Variants in TLDC2 observed in about 807,000 individuals in gnomAD.
TLDC2 encodes TBC/LysM-associated domain containing 2.
In TLDC2, 23 loss-of-function variants were observed where a neutral mutation model predicts 27.9. The ratio of observed to expected loss-of-function variants is 0.82; its 90% CI spans 0.59 to 1.17. The LOEUF is 1.17. Among genes scored for constraint, TLDC2 ranks in the 50% most tolerant of loss-of-function variants. The pLI is 0.00. For synonymous variants in TLDC2, 124 were observed against 107.4 expected, an observed-to-expected ratio of 1.16 and a Z score of -0.96; for missense variants, 286 against 273.4, an observed-to-expected ratio of 1.05 and a Z score of -0.32.
At position 36,892,864 on chromosome 20, in the gene TLDC2, T is replaced by G; in HGVS notation, c.*20T>G. 1 of 1,592,078 alleles carries G rather than the reference T, an allele frequency of 6.3e-7. No homozygotes were observed. Among genetic ancestry groups the G allele is most frequent in the Non-Finnish European group, 8.6e-7 (1 of 1,159,944 alleles). ...CATGAGTTGTCATTAATTTGCAGAA[T>G]TCTATGATTGAAGCCTCTAAATGAA... On this transcript the variant is annotated splice_region_variant and 3_prime_UTR_variant, in exon 7 of 7. Transcript: ENST00000217320.
At chr20:36,887,088 G>C (rs1989936420) in intron 4 of TLDC2, among the ~76,000 whole-genome samples, 1 of 152,104 alleles carries the variant, frequency 6.6e-6, no homozygotes, top group Admixed American at 6.5e-5. Context: ...GCACTGAAGA[G>C]CAGGCGGGCT....
chr20:36,877,561 G>A (rs1280956477), intron 1 of TLDC2, among the ~76,000 whole-genome samples: 1 of 149,620 alleles, frequency 6.7e-6, no homozygotes, highest in Non-Finnish European at 1.5e-5. Flanking sequence ...CTGCTCCCAA[G>A]CTTAGAACTT....
At chr20:36,887,760 A>G (rs1989954909) in intron 5 of TLDC2, among the ~76,000 whole-genome samples, 1 of 152,178 alleles carries the variant, frequency 6.6e-6, no homozygotes, top group South Asian at 2.1e-4. Flanking sequence ...AGCTGGTGAC[A>G]GTTTAGTCTG....
chr20:36,888,890 G>T (rs1989988101), intron 5 of TLDC2, among the ~76,000 whole-genome samples: 1 of 150,096 alleles, frequency 6.7e-6, no homozygotes, highest in South Asian at 2.1e-4. Flanking sequence ...GCATAGTGGT[G>T]GGCGGCCTGT....
chr20:36,886,657 T>A lies in TLDC2; in HGVS notation c.439-798T>A, dbSNP rs1240729410. ...GGTCTTACTATGTTGCCTTGGTTGG[T>A]CTAGAACTCCTGACCTCGAGGAAAC... On this transcript the variant is annotated intron_variant, in intron 4 of 6. Coordinates refer to ENST00000217320, the MANE Select transcript of TLDC2 (RefSeq NM_080628.3). Among the ~76,000 whole-genome samples the A allele has an allele frequency of 3.9e-5, 6 of 152,100 alleles. No homozygotes were observed. In the East Asian group the frequency reaches 1.2e-3, roughly 30 times the overall value.
At chr20:36,879,005 G>A (rs750130687) in intron 2 of TLDC2, 36 bp from the exon 3 acceptor site, 3 of 1,613,956 alleles carry the variant, frequency 1.9e-6, no homozygotes, top group Non-Finnish European at 2.5e-6. Context: ...AGGGCGCGAG[G>A]AGAACTCCTC....
At chr20:36,881,949 G>C (rs917962171) in intron 4 of TLDC2, among the ~76,000 whole-genome samples, 1 of 152,188 alleles carries the variant, frequency 6.6e-6, no homozygotes, top group African/African-American at 2.4e-5. Context: ...GGAAGACAGC[G>C]GCAGAAACCC....
At chr20:36,881,041 G>C (rs1365175469) in intron 4 of TLDC2, among the ~76,000 whole-genome samples, 2 of 152,206 alleles carry the variant, frequency 1.3e-5, no homozygotes. Flanking sequence ...GTAGACCTGA[G>C]GGCGTGGTGG....
intron 1 of TLDC2, 103 bp from the exon 2 acceptor site, chr20:36,877,796 C>A: frequency 7.5e-7 from 1 of 1,340,124 alleles, no homozygotes; most frequent in Non-Finnish European, 1.0e-6. Context: ...GGCACATGGG[C>A]AGGGAGTGAT....
At chr20:36,878,432 T>G (rs2148344024) in intron 2 of TLDC2, among the ~76,000 whole-genome samples, 1 of 152,056 alleles carries the variant, frequency 6.6e-6, no homozygotes, top group East Asian at 1.9e-4. Context: ...AATACAAAAA[T>G]TAGCCGGGTG....
chr20:36,877,735 C>T (rs1275966178), intron 1 of TLDC2, among the ~76,000 whole-genome samples, 164 bp from the exon 2 acceptor site: 2 of 152,196 alleles, frequency 1.3e-5, no homozygotes, highest in African/African-American at 2.4e-5. Flanking sequence ...GGGGCAGCGT[C>T]CTGTCTGTCG....
At chr20:36,884,536 A>T (rs1215651217) in intron 4 of TLDC2, among the ~76,000 whole-genome samples, 2 of 151,914 alleles carry the variant, frequency 1.3e-5, no homozygotes, top group African/African-American at 4.8e-5. Context: ...AGGCAGGAGG[A>T]TCACTTGAGG....
At chr20:36,885,948 T>C (rs538592878) in intron 4 of TLDC2, among the ~76,000 whole-genome samples, 3 of 151,788 alleles carry the variant, frequency 2.0e-5, no homozygotes, top group Non-Finnish European at 2.9e-5. Context: ...GGATGAGAGG[T>C]GGGCCCTCTG....
rs56363193 is a variant in TLDC2, at chr20:36,893,524, C to T, written c.*680C>T. 1 of 263,476 alleles carries T rather than the reference C, an allele frequency of 3.8e-6. No homozygotes were observed. Among genetic ancestry groups the T allele is most frequent in the Non-Finnish European group, 7.1e-6 (1 of 140,656 alleles). 16.3% of individuals were successfully genotyped at this position (263,476 alleles called of 1,614,324 possible). A position where few individuals can be genotyped will look rare whatever the true frequency, so the allele number is the denominator to read the frequency against. ...GCAGAATTTAAATTTTTCTCTGCAT[C>T]AAAGCTCTAACGTTGGTCCCATCAG... On this transcript the variant is annotated 3_prime_UTR_variant, in exon 7 of 7. Transcript: ENST00000217320.
At chr20:36,887,578 CT>C (rs1243540626) in intron 5 of TLDC2, 50 bp downstream of exon 5, 1 of 1,555,598 alleles carries the variant, frequency 6.4e-7, no homozygotes, top group Admixed American at 1.7e-5. Context: ...GTTCTGGTCC[CT>C]TTCCCTCTGC....
chr20:36,892,009 G>C (rs928865377), intron 6 of TLDC2: 1 of 152,394 alleles, frequency 6.6e-6, no homozygotes, highest in African/African-American at 2.4e-5. Flanking sequence ...CTGGGCAGTG[G>C]GAAGGCCCTC....
At position 36,876,208 on chromosome 20, in the gene TLDC2, G is replaced by GT; in HGVS notation, c.33+2dup. The GT allele has an allele frequency of 6.2e-7, 1 of 1,614,178 alleles. No homozygotes were observed. The highest frequency in any genetic ancestry group is 1.1e-5 in the South Asian group (1 of 91,086). ...CCTCCGCTGGCGTTACACTCGGCTG[G>GT]TAAGGGTTCCAACTCCGTCTGTGGT... is the stretch of plus-strand genomic sequence containing the variant. On this transcript the variant is annotated splice_donor_variant, in intron 1 of 6. Transcript: ENST00000217320. LOFTEE classifies it high-confidence loss of function.
chr20:36,878,437 C>T (rs976118543), intron 2 of TLDC2, among the ~76,000 whole-genome samples: 3 of 152,004 alleles, frequency 2.0e-5, no homozygotes, highest in Admixed American at 6.6e-5. Flanking sequence ...AAAAATTAGC[C>T]GGGTGTGGTG....
intron 4 of TLDC2, 87 bp downstream of exon 4, chr20:36,880,837 C>G: frequency 2.5e-6 from 3 of 1,198,064 alleles, no homozygotes; most frequent in Non-Finnish European, 3.7e-6. Flanking sequence ...CTCCATCCTC[C>G]ACGATGGGCT....
Sources: gnomAD v4.1 joint callset for allele counts (sites outside exome capture counted in the v4.1 genomes callset) on GRCh38, gnomAD v4.1.1 for gene constraint, MANE v1.5 for transcripts, NCBI Gene and HGNC (gene_info 2026-07-23, HGNC 2026-07-21) for gene names.